DLG2: variants seen among roughly 807,000 people sequenced by gnomAD.
DLG2 encodes disks large homolog 2.
DLG2 carries 45 observed loss-of-function variants against 132.5 expected under a neutral mutation model. That is an observed-to-expected ratio of 0.34 (90% CI 0.27 to 0.44). The LOEUF (loss-of-function observed/expected upper bound fraction) is 0.44. Among genes scored for constraint, DLG2 ranks in the 20% least tolerant of loss-of-function variants. The probability of loss-of-function intolerance (pLI) is 1.00; values close to 1 mark genes in which losing one functional copy is unlikely to be tolerated. For missense variants in DLG2, 1,045 were observed against 1,196.9 expected (o/e 0.87, Z 1.87); for synonymous variants, 424 against 419.6 (o/e 1.01, Z -0.13).
chr11:84,707,573 A>G (rs2059915426), intron 6 of DLG2, among the ~76,000 whole-genome samples: 1 of 151,884 alleles, frequency 6.6e-6, no homozygotes, highest in Admixed American at 6.6e-5. Flanking sequence ...TTATAAGAGT[A>G]CAATAGGTTG....
chr11:83,594,081 A>G (rs1022328110), intron 19 of DLG2, among the ~76,000 whole-genome samples: 2 of 152,232 alleles, frequency 1.3e-5, no homozygotes, highest in Admixed American at 1.3e-4. Flanking sequence ...GAAAGAGACA[A>G]TTATGGCTTG....
At chr11:84,145,554 T>C (rs1216353381) in intron 9 of DLG2, among the ~76,000 whole-genome samples, 1 of 152,212 alleles carries the variant, frequency 6.6e-6, no homozygotes, top group Non-Finnish European at 1.5e-5. Context: ...ATGTGGTACA[T>C]GACTGTCCTA....
At chr11:83,717,386 A>G (rs2086969965) in intron 18 of DLG2, among the ~76,000 whole-genome samples, 1 of 152,238 alleles carries the variant, frequency 6.6e-6, no homozygotes, top group Non-Finnish European at 1.5e-5. Context: ...ATATTAATGC[A>G]GATGCAAATC....
At chr11:83,706,706 G>A (rs1360502259) in intron 18 of DLG2, among the ~76,000 whole-genome samples, 2 of 152,224 alleles carry the variant, frequency 1.3e-5, no homozygotes, top group Non-Finnish European at 2.9e-5. Flanking sequence ...ATTGTCGAGA[G>A]TTGCCACATG....
chr11:84,631,008 TCTCTCTCTCTCACA>T (rs1286513531), intron 6 of DLG2, among the ~76,000 whole-genome samples: 34 of 130,110 alleles, frequency 2.6e-4, no homozygotes, highest in Admixed American at 3.8e-4. Flanking sequence ...TCTCTCTCTC[TCTCTCTCTCTCACA>T]CACACACACA....
intron 6 of DLG2, among the ~76,000 whole-genome samples, chr11:84,907,842 G>A (rs1448830789): frequency 6.6e-6 from 1 of 152,122 alleles, no homozygotes; most frequent in East Asian, 1.9e-4. Context: ...AAAAGTGCTG[G>A]ACATTAGCCT....
At chr11:84,589,836 T>C (rs2099538688) in intron 6 of DLG2, among the ~76,000 whole-genome samples, 1 of 152,212 alleles carries the variant, frequency 6.6e-6, no homozygotes, top group South Asian at 2.1e-4. Context: ...CAAATATACA[T>C]GGAAATAAAC....
chr11:83,688,113 C>A (rs1437939210), intron 18 of DLG2, among the ~76,000 whole-genome samples: 1 of 152,042 alleles, frequency 6.6e-6, no homozygotes, highest in African/African-American at 2.4e-5. Flanking sequence ...TGCTCATAAA[C>A]AAAGTGTCCA....
chr11:83,693,930 G>A (rs2081426419), intron 18 of DLG2: 1 of 152,184 alleles, frequency 6.6e-6, no homozygotes, highest in Admixed American at 6.5e-5. Context: ...TCTCACAGAG[G>A]AGTGCTGTAA....
chr11:85,305,765 G>A (rs560222971), intron 3 of DLG2, among the ~76,000 whole-genome samples: 11 of 152,240 alleles, frequency 7.2e-5, no homozygotes, highest in Non-Finnish European at 1.5e-4. Context: ...CGCCCGCCTC[G>A]GCTTCCCAAA....
chr11:84,288,693 G>A (rs570596466), intron 7 of DLG2, among the ~76,000 whole-genome samples: 44 of 152,100 alleles, frequency 2.9e-4, no homozygotes, highest in African/African-American at 9.2e-4. Flanking sequence ...TAAATGAAAC[G>A]AAATAAAACA....
At chr11:84,180,145 C>T (rs1478000218) in intron 8 of DLG2, among the ~76,000 whole-genome samples, 2 of 151,892 alleles carry the variant, frequency 1.3e-5, no homozygotes, top group African/African-American at 2.4e-5. Context: ...AAAAACTAGA[C>T]AACTAGGCAA....
At position 85,428,805 on chromosome 11, in the gene DLG2, C is replaced by CA. The variant is rs572729278; in HGVS notation, c.41-143441dup. Among the ~76,000 whole-genome samples the CA allele has an allele frequency of 7.1e-4, 108 of 152,056 alleles. 1 individual carries two copies. Among genetic ancestry groups the CA allele is most frequent in the African/African-American group, 2.5e-3 (104 of 41,476 alleles). ...AGCAGAACTGAAGGAGATAGAGACA[C>CA]AAAAAACCCTTCAAAAAATCAATGA... is the stretch of plus-strand genomic sequence containing the variant. On this transcript the variant is annotated intron_variant, in intron 3 of 27. Coordinates refer to ENST00000376104, the MANE Select transcript of DLG2 (RefSeq NM_001142699.3).
At chr11:85,344,007 A>G (rs2082672306) in intron 3 of DLG2, among the ~76,000 whole-genome samples, 1 of 152,200 alleles carries the variant, frequency 6.6e-6, no homozygotes, top group Non-Finnish European at 1.5e-5. Context: ...AAAAACAATA[A>G]TAGCAGTATC....
intron 7 of DLG2, among the ~76,000 whole-genome samples, chr11:84,513,697 A>T (rs2099263798): frequency 1.3e-5 from 2 of 152,046 alleles, no homozygotes; most frequent in African/African-American, 4.8e-5. Context: ...TGAACTAAAG[A>T]CTTAAATCTA....
chr11:84,598,786 A>C (rs186357850), intron 6 of DLG2, among the ~76,000 whole-genome samples: 123 of 152,044 alleles, frequency 8.1e-4, no homozygotes, highest in African/African-American at 2.9e-3. Flanking sequence ...TTAAAAAAAA[A>C]AAAATTTAGC....
At chr11:84,521,445 C>G in intron 7 of DLG2, among the ~76,000 whole-genome samples, 1 of 152,202 alleles carries the variant, frequency 6.6e-6, no homozygotes, top group Admixed American at 6.5e-5. Flanking sequence ...AGTCTCATAA[C>G]AGCTGTGATT....
At chr11:84,226,175 A>G (rs2096990867) in intron 8 of DLG2, among the ~76,000 whole-genome samples, 1 of 152,224 alleles carries the variant, frequency 6.6e-6, no homozygotes, top group African/African-American at 2.4e-5. Context: ...ACTTCTAACT[A>G]ATTTTTAACC....
rs375063610 is a variant in DLG2, at chr11:84,677,063, CAG to C, written c.358-142334_358-142333del. Among the ~76,000 whole-genome samples the C allele has an allele frequency of 4.5e-3, 682 of 152,082 alleles. 7 individuals carry two copies. Among genetic ancestry groups the C allele is most frequent in the South Asian group, 0.018 (87 of 4,826 alleles). ...ATTTGGGGTTTTATCCCAAGAGTAA[CAG>C]ACATCCATTGAAAGAGATATGTGAA... On this transcript the variant is annotated intron_variant, in intron 6 of 27. Transcript: ENST00000376104.
Sources: allele counts gnomAD v4.1 joint callset (sites outside exome capture counted in the v4.1 genomes callset), GRCh38; gene constraint gnomAD v4.1.1; transcripts MANE v1.5; gene names NCBI Gene and HGNC (gene_info 2026-07-23, HGNC 2026-07-21).